The following LIG3 variants were observed in gnomAD, a reference collection of about 807,000 sequenced individuals.
LIG3 encodes the protein ligase II, DNA, ATP-dependent.
A neutral mutation model predicts 110.9 loss-of-function variants in LIG3; 58 were observed. The ratio of observed to expected loss-of-function variants is 0.52; its 90% confidence interval spans 0.42 to 0.65. LIG3 has a LOEUF of 0.65. Among genes scored for constraint, LIG3 ranks in the 30% least tolerant of loss-of-function variants. The probability of loss-of-function intolerance (pLI) is 0.00; values close to 1 mark genes in which losing one functional copy is unlikely to be tolerated. For synonymous variants in LIG3, 422 were observed against 472.8 expected (o/e 0.89, Z 1.39); for missense variants, 1,094 against 1,273.8 (o/e 0.86, Z 2.15).
intron 1 of LIG3, among the ~76,000 whole-genome samples, chr17:34,981,742 C>A (rs534360731): frequency 6.6e-6 from 1 of 152,316 alleles, no homozygotes; most frequent in South Asian, 2.1e-4. Flanking sequence ...TTTATTATAA[C>A]GTGACAGCAA....
intron 10 of LIG3, 165 bp downstream of exon 10, chr17:34,996,360 TA>T (rs1270564548): frequency 2.2e-6 from 2 of 926,608 alleles, no homozygotes; most frequent in Non-Finnish European, 3.2e-6. Context: ...GTTTTTCTCC[TA>T]AAAAGGGGCT....
intron 10 of LIG3, 67 bp from the exon 11 acceptor site, chr17:34,996,507 G>A (rs2090779422): frequency 7.9e-7 from 1 of 1,269,766 alleles, no homozygotes; most frequent in African/African-American, 1.5e-5. Context: ...GAAGTGGACT[G>A]GTACTCCTTA....
At chr17:34,999,113 A>T in intron 14 of LIG3, 194 bp from the exon 15 acceptor site, 1 of 613,892 alleles carries the variant, frequency 1.6e-6, no homozygotes, top group Non-Finnish European at 2.8e-6. Flanking sequence ...GTTGGGTGTG[A>T]TTATCCCTCA....
intron 17 of LIG3, 93 bp from the exon 18 acceptor site, chr17:35,001,816 C>G: frequency 9.0e-7 from 1 of 1,113,156 alleles, no homozygotes; most frequent in South Asian, 1.5e-5. Flanking sequence ...CATCTTTGTT[C>G]CCATATGCGC....
In LIG3 at chr17:34,983,074, A is replaced by G. The variant is rs1158674765; in HGVS notation, c.69A>G (p.Leu23=). 1.2e-6 allele frequency: 2 copies of G among 1,612,956 alleles called. No individual in the cohort carries two copies. Among genetic ancestry groups the G allele is most frequent in the South Asian group, 1.1e-5 (1 of 91,050 alleles). Residue 23 remains leucine, a synonymous_variant, in exon 2 of 20, where the codon CTA becomes CTG. Coordinates refer to ENST00000378526, the MANE Select transcript of LIG3 (RefSeq NM_013975.4). ...LRALSRKELC[L]FRKHHWRDVR... Reference sequence around the variant, plus strand: ...CACTCAGCCGAAAAGAACTGTGCCTATTCCGAAAACATCACTGGCGTGATG... The same window carrying G: ...CACTCAGCCGAAAAGAACTGTGCCTGTTCCGAAAACATCACTGGCGTGATG...
intron 17 of LIG3, 115 bp downstream of exon 17, chr17:35,001,518 G>GGCAGAGC (rs1464210727): frequency 8.9e-7 from 1 of 1,119,602 alleles, no homozygotes; most frequent in Non-Finnish European, 1.3e-6. Context: ...ATTCTCCTGA[G>GGCAGAGC]GCAGAGCAAG....
At position 35,005,305 on chromosome 17, in the gene LIG3, G is replaced by T; in HGVS notation, c.*799G>T. The T allele has an allele frequency of 3.7e-6, 2 of 543,738 alleles. No homozygotes were observed. The highest frequency in any genetic ancestry group is 1.4e-5 in the South Asian group (1 of 72,244). 33.7% of individuals were successfully genotyped at this position (543,738 alleles called of 1,614,324 possible). On this transcript the variant is annotated 3_prime_UTR_variant, in exon 20 of 20. Transcript: ENST00000378526. ...CAGCCCTTGTTGCCACCAACATGGA[G>T]ACTTTGTACCATATCCCATTCTTAG...
chr17:34,998,753 G>A (rs2090807872), intron 14 of LIG3, 26 bp downstream of exon 14: 2 of 1,609,564 alleles, frequency 1.2e-6, no homozygotes, highest in African/African-American at 2.7e-5. Flanking sequence ...GCCCCCTGGG[G>A]TGGTACTGTT....
chr17:34,991,245 G>A (rs944235585), intron 5 of LIG3, 131 bp downstream of exon 5: 3 of 851,822 alleles, frequency 3.5e-6, no homozygotes, highest in Admixed American at 5.5e-5. Flanking sequence ...ATTTGAGCAA[G>A]CTTCCGTTAT....
chr17:35,001,943 T>A lies in LIG3; in HGVS notation c.2513T>A (p.Phe838Tyr), dbSNP rs1270143224. ...LYQLSKEKAD[F>Y]TVVAGDEGSS... ...CAGTTGTCCAAGGAGAAGGCAGACT[T>A]CACTGTAGTGGCTGGAGATGAGGGG... is the stretch of plus-strand genomic sequence containing the variant. The change falls in exon 18 of 20, where the codon TTC becomes TAC. Residue 838 changes from phenylalanine to tyrosine, a missense_variant. By Grantham distance (22) the Phe-to-Tyr change is conservative (BLOSUM62 3). Coordinates refer to ENST00000378526, the MANE Select transcript of LIG3 (RefSeq NM_013975.4). The A allele has an allele frequency of 6.2e-7, 1 of 1,611,930 alleles. No homozygotes were observed. Among genetic ancestry groups the A allele is most frequent in the Non-Finnish European group, 8.5e-7 (1 of 1,179,190 alleles).
intron 11 of LIG3, 147 bp downstream of exon 11, chr17:34,996,800 A>C: frequency 1.4e-6 from 1 of 692,890 alleles, no homozygotes; most frequent in Non-Finnish European, 2.5e-6. Context: ...TGCCAAAGGC[A>C]ATGGCAAGAG....
In LIG3 at chr17:35,005,464, C is replaced by G. The variant is rs545826950; in HGVS notation, c.*958C>G. On this transcript the variant is annotated 3_prime_UTR_variant, in exon 20 of 20. Coordinates refer to ENST00000378526, the MANE Select transcript of LIG3 (RefSeq NM_013975.4). ...GAATAATTATATGATATTGTTGAAC[C>G]CCCAAGTATTGGCTGATGAACGTGG... The G allele has an allele frequency of 1.8e-6, 1 of 561,072 alleles. No individual in the cohort carries two copies. The highest frequency in any genetic ancestry group is 1.9e-5 in the Admixed American group (1 of 52,484). The allele number at this position is 561,072 out of a possible 1,614,324, so 34.8% of individuals were successfully genotyped here. A position where few individuals can be genotyped will look rare whatever the true frequency, so the allele number is the denominator to read the frequency against.
chr17:34,995,248 T>C (rs1415215311), intron 9 of LIG3, among the ~76,000 whole-genome samples: 1 of 152,142 alleles, frequency 6.6e-6, no homozygotes, highest in African/African-American at 2.4e-5. Flanking sequence ...AGTCAGGCCA[T>C]TTGTTTCATA....
rs1194666569 is a variant in LIG3 at position 35,005,652 on chromosome 17, C to G, written c.*1146C>G. The G allele has an allele frequency of 1.8e-6, 1 of 569,414 alleles. No individual in the cohort carries two copies. Among genetic ancestry groups the G allele is most frequent in the South Asian group, 1.4e-5 (1 of 72,772 alleles). 35.3% of individuals were successfully genotyped at this position (569,414 alleles called of 1,614,324 possible). A position where few individuals can be genotyped will look rare whatever the true frequency, so the allele number is the denominator to read the frequency against. On this transcript the variant is annotated 3_prime_UTR_variant, in exon 20 of 20. Transcript: ENST00000378526. ...CAAAACTCAATCGATTTTTTTTCTT[C>G]TATTCATTGGATTCGTCTGTGTCCT... is the stretch of plus-strand genomic sequence containing the variant.
rs370975697 is a variant in LIG3 at position 34,998,660 on chromosome 17, C to T, written c.2046C>T (p.Asn682=). 18 of 1,614,048 alleles carry T rather than the reference C, an allele frequency of 1.1e-5. No homozygotes were observed. The highest frequency in any genetic ancestry group is 8.3e-5 in the Admixed American group (5 of 60,004). Residue 682 remains asparagine (N), a synonymous_variant, in exon 14 of 20, where the codon AAC becomes AAT. Transcript: ENST00000378526. ...HWLKVKKDYL[N]EGAMADTADL... ...TGAAAGTGAAGAAAGACTATTTGAA[C>T]GAGGGGGCCATGGCCGACACAGCTG...
intron 5 of LIG3, 180 bp from the exon 6 acceptor site, chr17:34,991,491 G>C: frequency 1.5e-6 from 1 of 654,644 alleles, no homozygotes. Context: ...ACCATGGCAA[G>C]TTTCCATCCC....
chr17:34,995,489 T>C (rs1180324945), intron 9 of LIG3, among the ~76,000 whole-genome samples: 3 of 152,136 alleles, frequency 2.0e-5, no homozygotes, highest in African/African-American at 7.2e-5. Context: ...GTGATTTGGG[T>C]TCTTAAAGGG....
In LIG3 at chr17:34,992,693, G is replaced by C. The variant is rs1330863814; in HGVS notation, c.1455+1G>C. On this transcript the variant is annotated splice_donor_variant, in intron 8 of 19. Coordinates refer to ENST00000378526, the MANE Select transcript of LIG3 (RefSeq NM_013975.4). LOFTEE classifies it high-confidence loss of function. ...GATGACACCTGTGCAGCCCATGTTG[G>C]TGAGGAGTGCTCCCCTGCCTCTGCT... 6.3e-7 allele frequency: 1 copy of C among 1,579,492 alleles called. No individual in the cohort carries two copies. Among genetic ancestry groups the C allele is most frequent in the Non-Finnish European group, 8.6e-7 (1 of 1,164,348 alleles).
chr17:35,010,618 G>C (rs1228911157), downstream of LIG3: 2 of 152,230 alleles, frequency 1.3e-5, no homozygotes, highest in Non-Finnish European at 1.5e-5. Flanking sequence ...CTGGTGTGGT[G>C]GTGGGCGCCT....
Sources: allele counts gnomAD v4.1 joint callset (sites outside exome capture counted in the v4.1 genomes callset), GRCh38; gene constraint gnomAD v4.1.1; transcripts MANE v1.5; gene names NCBI Gene and HGNC (gene_info 2026-07-23, HGNC 2026-07-21).